TMPRSS11F: variants seen among roughly 807,000 people sequenced by gnomAD.
TMPRSS11F encodes the protein transmembrane serine protease 11F.
TMPRSS11F carries 47 observed loss-of-function variants against 60.2 expected under a neutral mutation model. The ratio of observed to expected loss-of-function variants is 0.78; its 90% CI spans 0.62 to 1.00. The LOEUF (loss-of-function observed/expected upper bound fraction) is 1.00. Among genes scored for constraint, TMPRSS11F ranks in the 50% least tolerant of loss-of-function variants. The pLI is 0.00. For synonymous variants in TMPRSS11F, 166 were observed against 167.3 expected, an observed-to-expected ratio of 0.99 and a Z score of 0.06; for missense variants, 519 against 522.9, an observed-to-expected ratio of 0.99 and a Z score of 0.07.
chr4:68,055,552 A>C (rs533928598), intron 9 of TMPRSS11F, among the ~76,000 whole-genome samples: 5 of 151,890 alleles, frequency 3.3e-5, no homozygotes, highest in African/African-American at 1.2e-4. Context: ...ACAGATCAAT[A>C]ATAAGTAAGA....
chr4:68,105,680 T>C (rs970224878), intron 1 of TMPRSS11F, among the ~76,000 whole-genome samples: 2 of 152,210 alleles, frequency 1.3e-5, no homozygotes, highest in African/African-American at 2.4e-5. Flanking sequence ...GACCTGACAG[T>C]TTATAGTTAA....
chr4:68,065,546 C>G (rs1304031799), intron 7 of TMPRSS11F, among the ~76,000 whole-genome samples: 1 of 152,130 alleles, frequency 6.6e-6, no homozygotes, highest in Non-Finnish European at 1.5e-5. Context: ...CACATAGATG[C>G]TTTTCTCTCC....
At chr4:68,073,733 T>C (rs1393991449) in intron 4 of TMPRSS11F, among the ~76,000 whole-genome samples, 2 of 152,208 alleles carry the variant, frequency 1.3e-5, no homozygotes, top group Admixed American at 1.3e-4. Flanking sequence ...TTTCCTCTTT[T>C]TGTATCCAAT....
At chr4:68,104,085 G>T (rs74653653) in intron 1 of TMPRSS11F, among the ~76,000 whole-genome samples, 5,435 of 152,232 alleles carry the variant, frequency 0.036, 272 homozygotes, top group African/African-American at 0.11. Flanking sequence ...TTAAGATCAT[G>T]TCAGAATAAT....
rs541316142 is a variant in TMPRSS11F at position 68,097,311 on chromosome 4, G to C, written c.163+1576C>G. 2.8e-4 allele frequency among the ~76,000 whole-genome samples: 42 copies of C among 152,282 alleles called. 1 individual carries two copies. The highest frequency in any genetic ancestry group is 5.3e-4 in the Non-Finnish European group (36 of 68,012). ...CTAAAATCAAAAAGTTGGCAGAGCT[G>C]GTTCCTTCTAGACGCTGTAAGGCGA... On this transcript the variant is annotated intron_variant, in intron 2 of 9. Coordinates refer to ENST00000356291, the MANE Select transcript of TMPRSS11F (RefSeq NM_207407.2).
At chr4:68,070,061 T>G (rs1436727463) in intron 5 of TMPRSS11F, 54 bp from the exon 6 acceptor site, 1 of 1,476,220 alleles carries the variant, frequency 6.8e-7, no homozygotes, top group East Asian at 2.3e-5. Context: ...CCCATTTTCA[T>G]GTTGTGTTGT....
At position 68,099,006 on chromosome 4, in the gene TMPRSS11F, C is replaced by G; in HGVS notation, c.44G>C (p.Arg15Pro). The G allele has an allele frequency of 1.2e-6, 2 of 1,611,992 alleles. No individual in the cohort carries two copies. The highest frequency in any genetic ancestry group is 1.7e-6 in the Non-Finnish European group (2 of 1,179,226). ...PVEFSEAEFS[R>P]AEYQRKQQFW... ...TTGCTGCTTTCTTTGATATTCAGCT[C>G]GTGAGAATTCAGCTTCTGAAAATTC... The change falls in exon 2 of 10, where the codon CGA (arginine) becomes CCA (proline). Residue 15 changes from arginine to proline, a missense_variant. Transcript: ENST00000356291.
chr4:68,091,483 T>G (rs1723930177), intron 2 of TMPRSS11F, among the ~76,000 whole-genome samples: 2 of 152,120 alleles, frequency 1.3e-5, no homozygotes, highest in Non-Finnish European at 2.9e-5. Context: ...AGACCAAACC[T>G]TTGTCATGAG....
chr4:68,083,063 C>A (rs1194889885), intron 3 of TMPRSS11F, among the ~76,000 whole-genome samples: 1 of 152,202 alleles, frequency 6.6e-6, no homozygotes, highest in Non-Finnish European at 1.5e-5. Context: ...AACTGTGAGC[C>A]ACGAGCACCA....
At chr4:68,095,194 A>G (rs1178822817) in intron 2 of TMPRSS11F, among the ~76,000 whole-genome samples, 1 of 151,434 alleles carries the variant, frequency 6.6e-6, no homozygotes. Flanking sequence ...ATAACACATA[A>G]TATGTATTAT....
At chr4:68,062,598 T>C (rs1292694477) in intron 8 of TMPRSS11F, 2 of 860,562 alleles carry the variant, frequency 2.3e-6, no homozygotes, top group Non-Finnish European at 4.0e-6. Context: ...TTTGACTCTT[T>C]CATTTCAGTC....
rs530568816 is a variant in TMPRSS11F at position 68,115,214 on chromosome 4, G to C, written c.11+14596C>G. Among the ~76,000 whole-genome samples the C allele has an allele frequency of 4.0e-5, 6 of 151,438 alleles. No homozygotes were observed. In the East Asian group the frequency reaches 1.2e-3, roughly 29 times the overall value. On this transcript the variant is annotated intron_variant, in intron 1 of 9. Coordinates refer to ENST00000356291, the MANE Select transcript of TMPRSS11F (RefSeq NM_207407.2). Reference sequence around the variant, plus strand: ...AAATACAAAAAAAGAAAAATTAGCTGGGTGTGATGGCGGGCGCCTGTAGTC... The same window carrying C: ...AAATACAAAAAAAGAAAAATTAGCTCGGTGTGATGGCGGGCGCCTGTAGTC...
At chr4:68,105,343 T>C (rs1480682275) in intron 1 of TMPRSS11F, among the ~76,000 whole-genome samples, 1 of 152,092 alleles carries the variant, frequency 6.6e-6, no homozygotes, top group Non-Finnish European at 1.5e-5. Context: ...TACTCTTCCA[T>C]GTAAGTAAAC....
chr4:68,076,638 G>A (rs918610194), intron 3 of TMPRSS11F, among the ~76,000 whole-genome samples: 1 of 152,108 alleles, frequency 6.6e-6, no homozygotes, highest in African/African-American at 2.4e-5. Context: ...TGAAAGACAC[G>A]CTCAATCCAG....
At chr4:68,092,114 A>G (rs2109866024) in intron 2 of TMPRSS11F, among the ~76,000 whole-genome samples, 1 of 152,224 alleles carries the variant, frequency 6.6e-6, no homozygotes, top group Admixed American at 6.5e-5. Flanking sequence ...TGCATTTTAA[A>G]CATTCATTTT....
chr4:68,126,808 G>A (rs1724721622), intron 1 of TMPRSS11F, among the ~76,000 whole-genome samples: 1 of 152,152 alleles, frequency 6.6e-6, no homozygotes, highest in African/African-American at 2.4e-5. Context: ...AAGAGAGGAC[G>A]GCTGTACTTC....
intron 4 of TMPRSS11F, among the ~76,000 whole-genome samples, chr4:68,072,758 T>C (rs1385500807): frequency 6.6e-6 from 1 of 152,102 alleles, no homozygotes; most frequent in Non-Finnish European, 1.5e-5. Flanking sequence ...TAGCTCATAG[T>C]TTAGAGGGGT....
At chr4:68,101,160 A>T (rs1724183115) in intron 1 of TMPRSS11F, among the ~76,000 whole-genome samples, 1 of 151,474 alleles carries the variant, frequency 6.6e-6, no homozygotes, top group Non-Finnish European at 1.5e-5. Flanking sequence ...GTCACATTTG[A>T]TTTTAAAATA....
rs113127257 is a variant in TMPRSS11F at position 68,061,876 on chromosome 4, A to G, written c.1016-2408T>C. On this transcript the variant is annotated intron_variant, in intron 8 of 9. Transcript: ENST00000356291. ...TCTCTTTGGATCAGGCAAAAGCAGA[A>G]GCAAATGAAAAATGAACTTTTAAAA... 944 of 425,848 alleles carry G rather than the reference A, an allele frequency of 2.2e-3. 10 individuals carry two copies. The highest frequency in any genetic ancestry group is 0.018 in the African/African-American group (873 of 48,430). The allele number at this position is 425,848 out of a possible 1,614,324, so 26.4% of individuals were successfully genotyped here.
Sources: allele counts gnomAD v4.1 joint callset (sites outside exome capture counted in the v4.1 genomes callset), GRCh38; gene constraint gnomAD v4.1.1; transcripts MANE v1.5; gene names NCBI Gene and HGNC (gene_info 2026-07-23, HGNC 2026-07-21).